The following COMMD6 variants were observed in gnomAD, a reference collection of about 807,000 sequenced individuals.
COMMD6 encodes COMM domain-containing protein 6.
A neutral mutation model predicts 13.4 loss-of-function variants in COMMD6; 11 were observed. The observed-to-expected ratio is 0.82, with a 90% confidence interval of 0.52 to 1.36. COMMD6 has a LOEUF of 1.36. Among genes scored for constraint, COMMD6 ranks in the 40% most tolerant of loss-of-function variants. The pLI, the probability that COMMD6 is intolerant of heterozygous loss-of-function variation, is 0.00. For synonymous variants in COMMD6, 43 were observed against 36.5 expected, an observed-to-expected ratio of 1.18 and a Z score of -0.64; for missense variants, 124 against 102.4, an observed-to-expected ratio of 1.21 and a Z score of -0.91.
chr13:75,541,622 G>C (rs532390490), upstream of COMMD6, among the ~76,000 whole-genome samples: 1 of 151,980 alleles, frequency 6.6e-6, no homozygotes, highest in African/African-American at 2.4e-5. Flanking sequence ...TTCATAAGGC[G>C]TAGAGTTGTG....
intron 2 of COMMD6, among the ~76,000 whole-genome samples, chr13:75,532,627 CA>C (rs1175297343): frequency 3.3e-5 from 5 of 152,070 alleles, no homozygotes; most frequent in Non-Finnish European, 5.9e-5. Flanking sequence ...GTCAGGAGAT[CA>C]GAATCATCCT....
chr13:75,535,400 C>T (rs7985488), intron 2 of COMMD6, among the ~76,000 whole-genome samples: 28,325 of 152,180 alleles, frequency 0.19, 2,825 homozygotes, highest in Non-Finnish European at 0.23. Flanking sequence ...TCCAGACCGC[C>T]AGGTGAGGCA....
intron 1 of COMMD6, among the ~76,000 whole-genome samples, chr13:75,547,779 A>G (rs944276978): frequency 6.6e-6 from 1 of 152,232 alleles, no homozygotes; most frequent in African/African-American, 2.4e-5. Context: ...TGCTAGGACA[A>G]CCTCTGTAAG....
intron 2 of COMMD6, among the ~76,000 whole-genome samples, chr13:75,532,400 C>T (rs943756964): frequency 3.3e-5 from 5 of 152,250 alleles, no homozygotes; most frequent in Admixed American, 2.0e-4. Context: ...GAAGAATAAA[C>T]AGAACAGGAA....
intron 2 of COMMD6, among the ~76,000 whole-genome samples, chr13:75,535,341 G>T (rs1250690857): frequency 6.6e-6 from 1 of 152,184 alleles, no homozygotes; most frequent in Admixed American, 6.5e-5. Flanking sequence ...CTCTTAAAAA[G>T]CTCTGAGTAG....
At chr13:75,537,574 G>A (rs2030717629) in intron 2 of COMMD6, 90 bp downstream of exon 2, 8 of 1,594,028 alleles carry the variant, frequency 5.0e-6, no homozygotes, top group African/African-American at 1.3e-5. Flanking sequence ...ACAGGACTAG[G>A]GGAGACCTGG....
At chr13:75,546,280 T>C (rs1350537690) in intron 1 of COMMD6, among the ~76,000 whole-genome samples, 3 of 152,234 alleles carry the variant, frequency 2.0e-5, no homozygotes, top group Admixed American at 6.5e-5. Flanking sequence ...GAGGCAAATA[T>C]GGACTATTGG....
At chr13:75,536,884 G>A (rs971353522) in intron 2 of COMMD6, among the ~76,000 whole-genome samples, 1 of 152,178 alleles carries the variant, frequency 6.6e-6, no homozygotes, top group Non-Finnish European at 1.5e-5. Flanking sequence ...ATGAAAGATT[G>A]ACTCGAAATG....
chr13:75,535,657 T>G (rs978544182), intron 2 of COMMD6, among the ~76,000 whole-genome samples: 1 of 152,202 alleles, frequency 6.6e-6, no homozygotes, highest in Admixed American at 6.5e-5. Context: ...GTATTCGCAG[T>G]CTGTCTCACC....
chr13:75,530,132 C>T lies in COMMD6; in HGVS notation c.189G>A (p.Met63Ile). Residue 63 changes from methionine (M) to isoleucine (I), a missense_variant, in exon 3 of 4, where the codon ATG becomes ATA. By Grantham distance (10) the Met-to-Ile change is conservative. Coordinates refer to ENST00000682242, the MANE Select transcript of COMMD6 (RefSeq NM_203495.4). ...SGQVKTKCFE[M>I]TIPQFQNFYR... Reference sequence around the variant, plus strand: ...CACAAACCTGAAACTGTGGAATCGTCATTTCAAAGCACTTGGTCTTTACTT... The same window carrying T: ...CACAAACCTGAAACTGTGGAATCGTTATTTCAAAGCACTTGGTCTTTACTT... 1 of 1,612,482 alleles carries T rather than the reference C, an allele frequency of 6.2e-7. No homozygotes were observed.
intron 3 of COMMD6, chr13:75,529,864 C>T (rs1447066136): frequency 8.7e-6 from 3 of 343,430 alleles, no homozygotes; most frequent in Non-Finnish European, 1.6e-5. Flanking sequence ...CCTAAATATA[C>T]TCAGAGAGGA....
chr13:75,548,872 G>C (rs1304085531), intron 1 of COMMD6, among the ~76,000 whole-genome samples: 1 of 152,172 alleles, frequency 6.6e-6, no homozygotes, highest in African/African-American at 2.4e-5. Context: ...AGGAAGCCCA[G>C]ATGTCTTGAC....
At chr13:75,547,930 T>C (rs2030933307) in intron 1 of COMMD6, among the ~76,000 whole-genome samples, 1 of 152,234 alleles carries the variant, frequency 6.6e-6, no homozygotes, top group Non-Finnish European at 1.5e-5. Context: ...TATGGAAAGC[T>C]ACCAATTTGA....
At chr13:75,527,814 G>A (rs1593952707) in intron 3 of COMMD6, 1 of 1,505,610 alleles carries the variant, frequency 6.6e-7, no homozygotes, top group East Asian at 2.5e-5. Flanking sequence ...CAAACTCACA[G>A]AAGCAGAAAG....
chr13:75,529,865 T>A (rs1219440460), intron 3 of COMMD6: 1 of 348,522 alleles, frequency 2.9e-6, no homozygotes, highest in African/African-American at 2.1e-5. Context: ...CTAAATATAC[T>A]CAGAGAGGAG....
chr13:75,541,913 GAA>G (rs1351178289), upstream of COMMD6, among the ~76,000 whole-genome samples: 1 of 152,128 alleles, frequency 6.6e-6, no homozygotes, highest in Non-Finnish European at 1.5e-5. Flanking sequence ...CTCTCTAAAA[GAA>G]AATATTTATT....
At chr13:75,534,346 G>A (rs1212540750) in intron 2 of COMMD6, among the ~76,000 whole-genome samples, 1 of 152,210 alleles carries the variant, frequency 6.6e-6, no homozygotes, top group Admixed American at 6.5e-5. Flanking sequence ...AGGAAACGGA[G>A]AGCTGCCATC....
In COMMD6 at chr13:75,525,569, T is replaced by C. The variant is rs2030213971; in HGVS notation, c.*1020A>G. ...GGTAATAGAAATGTCTGTGGGTAGT[T>C]GGTATGCACAAATGGCCCATCAGCT... On this transcript the variant is annotated 3_prime_UTR_variant, in exon 4 of 4. Coordinates refer to ENST00000682242, the MANE Select transcript of COMMD6 (RefSeq NM_203495.4). 6.6e-6 allele frequency: 1 copy of C among 152,238 alleles called. No individual in the cohort carries two copies. The highest frequency in any genetic ancestry group is 1.5e-5 in the Non-Finnish European group (1 of 68,062). 9.4% of individuals were successfully genotyped at this position (152,238 alleles called of 1,614,324 possible).
At chr13:75,528,000 AGCACAC>A (rs2138409694) in intron 3 of COMMD6, 1 of 472,472 alleles carries the variant, frequency 2.1e-6, no homozygotes. Context: ...ACATGCCCTC[AGCACAC>A]ACACACACAC....
Sources: gnomAD v4.1 joint callset for allele counts (sites outside exome capture counted in the v4.1 genomes callset) on GRCh38, gnomAD v4.1.1 for gene constraint, MANE v1.5 for transcripts, NCBI Gene and HGNC (gene_info 2026-07-23, HGNC 2026-07-21) for gene names.